The following ABTB3 variants were observed in gnomAD, a reference collection of about 807,000 sequenced individuals.
ABTB3 encodes the protein ankyrin repeat- and BTB/POZ domain-containing protein 3.
At chr12:107,658,197 G>A in the ABTB3 span, 2 of 153,814 alleles carry the variant, frequency 1.3e-5, no homozygotes, top group African/African-American at 4.8e-5. Context: ...ATTTTTAGGG[G>A]TGGGAACTTT....
the ABTB3 span, among the ~76,000 whole-genome samples, chr12:107,460,135 T>C: frequency 7.2e-5 from 11 of 152,194 alleles, no homozygotes; most frequent in African/African-American, 2.7e-4. Context: ...GTTACAAACT[T>C]ACCAGTGTTC....
At chr12:107,344,941 G>C in the ABTB3 span, among the ~76,000 whole-genome samples, 2 of 152,184 alleles carry the variant, frequency 1.3e-5, no homozygotes, top group African/African-American at 4.8e-5. Flanking sequence ...GGCTCTAAAA[G>C]AAATTAGCCT....
At chr12:107,657,780 C>T in the ABTB3 span, 7 of 1,556,776 alleles carry the variant, frequency 4.5e-6, no homozygotes, top group African/African-American at 8.1e-5. Flanking sequence ...ATTGGCTTTA[C>T]ACAAACACAG....
chr12:107,385,316 T>G, the ABTB3 span, among the ~76,000 whole-genome samples: 1 of 150,120 alleles, frequency 6.7e-6, no homozygotes, highest in Non-Finnish European at 1.5e-5. Flanking sequence ...TGATGAGTGC[T>G]GTGATGAAAA....
chr12:107,610,940 T>TA, the ABTB3 span, among the ~76,000 whole-genome samples: 1 of 152,202 alleles, frequency 6.6e-6, no homozygotes, highest in South Asian at 2.1e-4. Context: ...ACAGCAGTTA[T>TA]AAATGCAAGT....
At chr12:107,443,653 G>A in the ABTB3 span, among the ~76,000 whole-genome samples, 2 of 152,168 alleles carry the variant, frequency 1.3e-5, no homozygotes, top group African/African-American at 4.8e-5. Flanking sequence ...TAGTGCCTTG[G>A]AAAGAACTTT....
the ABTB3 span, among the ~76,000 whole-genome samples, chr12:107,320,922 G>A: frequency 6.6e-6 from 1 of 152,120 alleles, no homozygotes; most frequent in Non-Finnish European, 1.5e-5. Context: ...TTCTATCATC[G>A]TCTCTTCATG....
the ABTB3 span, among the ~76,000 whole-genome samples, chr12:107,362,827 T>C: frequency 6.6e-6 from 1 of 152,082 alleles, no homozygotes; most frequent in African/African-American, 2.4e-5. Flanking sequence ...TACTGAGCAC[T>C]ACGCTAGACA....
the ABTB3 span, among the ~76,000 whole-genome samples, chr12:107,455,879 C>A: frequency 1.3e-3 from 198 of 152,262 alleles, no homozygotes; most frequent in African/African-American, 4.5e-3. Context: ...CATGCTAGGG[C>A]ACCCAGAGAG....
chr12:107,656,298 C>CAA, the ABTB3 span, among the ~76,000 whole-genome samples: 27,354 of 141,078 alleles, frequency 0.19, 3,421 homozygotes, highest in East Asian at 0.56. Context: ...GAGGCTCTGT[C>CAA]AAAAAAAAAA....
chr12:107,525,866 C>T, the ABTB3 span, among the ~76,000 whole-genome samples: 2 of 152,194 alleles, frequency 1.3e-5, no homozygotes, highest in East Asian at 3.8e-4. Context: ...CTTTGAATAC[C>T]TTTAAGGTAT....
the ABTB3 span, among the ~76,000 whole-genome samples, chr12:107,418,660 C>T: frequency 4.5e-4 from 68 of 152,288 alleles, no homozygotes; most frequent in African/African-American, 1.5e-3. Flanking sequence ...AACTGGGCAT[C>T]CGAGAAGGGA....
At chr12:107,573,472 G>GGGTGGATA in the ABTB3 span, among the ~76,000 whole-genome samples, 1 of 150,628 alleles carries the variant, frequency 6.6e-6, no homozygotes, top group African/African-American at 2.5e-5. Flanking sequence ...ATCGATGGAT[G>GGGTGGATA]GATGGATGGA....
the ABTB3 span, among the ~76,000 whole-genome samples, chr12:107,416,899 A>G: frequency 6.6e-6 from 1 of 152,144 alleles, no homozygotes; most frequent in African/African-American, 2.4e-5. Flanking sequence ...TCCCAAAGCA[A>G]TAGGATTATA....
At chr12:107,640,614 A>AG in the ABTB3 span, among the ~76,000 whole-genome samples, 1 of 152,096 alleles carries the variant, frequency 6.6e-6, no homozygotes, top group African/African-American at 2.4e-5. Context: ...TAAAGGGGCC[A>AG]GGGGGGCCGA....
the ABTB3 span, among the ~76,000 whole-genome samples, chr12:107,370,455 C>T: frequency 1.1e-3 from 170 of 152,344 alleles, 2 homozygotes; most frequent in East Asian, 0.021. Context: ...GAATGTTGGA[C>T]GAGTCCTCAG....
the ABTB3 span, among the ~76,000 whole-genome samples, chr12:107,353,811 T>C: frequency 6.6e-6 from 1 of 152,302 alleles, no homozygotes; most frequent in South Asian, 2.1e-4. Context: ...GTGAGGGATC[T>C]AGGCTGTGCA....
At chr12:107,645,129 A>G in the ABTB3 span, among the ~76,000 whole-genome samples, 5 of 151,780 alleles carry the variant, frequency 3.3e-5, no homozygotes, top group African/African-American at 9.7e-5. Flanking sequence ...CCGCTTGGCT[A>G]ATTCTTTTTG....
At chr12:107,330,103 A>G in the ABTB3 span, among the ~76,000 whole-genome samples, 1 of 152,178 alleles carries the variant, frequency 6.6e-6, no homozygotes, top group Non-Finnish European at 1.5e-5. Context: ...TGCGAACTGC[A>G]TGTGCAAAGG....
Sources: gnomAD v4.1 joint callset for allele counts (sites outside exome capture counted in the v4.1 genomes callset) on GRCh38, gnomAD v4.1.1 for gene constraint, MANE v1.5 for transcripts, NCBI Gene and HGNC (gene_info 2026-07-23, HGNC 2026-07-21) for gene names.